LRBA: variants seen among roughly 807,000 people sequenced by gnomAD.
LRBA encodes lipopolysaccharide-responsive and beige-like anchor protein.
A neutral mutation model predicts 330.0 loss-of-function variants in LRBA; 176 were observed. The ratio of observed to expected loss-of-function variants is 0.53; its 90% CI spans 0.47 to 0.60. LRBA has a LOEUF of 0.60. LRBA is among the 20% of genes least tolerant of loss of function. The pLI is 0.00. For missense variants in LRBA, 3,259 were observed against 3,444.8 expected, an observed-to-expected ratio of 0.95 and a Z score of 1.35; for synonymous variants, 1,230 against 1,193.0, an observed-to-expected ratio of 1.03 and a Z score of -0.64.
chr4:150,896,419 A>G lies in LRBA; in HGVS notation c.2042T>C (p.Leu681Pro). ...CTCATGCATAGTCAGTAGGTAATTA[A>G]GAATGGCCTGTAATTCATCTTCCTT... ...GVKEDELQAI[L>P]NYLLTMHEDD... The change falls in exon 16 of 57, where the codon CTT becomes CCT. Residue 681 changes from leucine (L) to proline (P), a missense_variant. Physicochemically the swap from Leu to Pro is moderately conservative, Grantham distance 98. Transcript: ENST00000651943. 6.4e-7 allele frequency: 1 copy of G among 1,550,406 alleles called. No individual in the cohort carries two copies.
At chr4:150,737,475 G>A (rs567672112) in intron 35 of LRBA, among the ~76,000 whole-genome samples, 2 of 147,746 alleles carry the variant, frequency 1.4e-5, no homozygotes, top group South Asian at 2.2e-4. Flanking sequence ...ATGAACAAAC[G>A]AATGAACGAA....
intron 47 of LRBA, among the ~76,000 whole-genome samples, chr4:150,352,118 T>C (rs542118812): frequency 1.7e-4 from 26 of 152,330 alleles, no homozygotes; most frequent in African/African-American, 6.0e-4. Context: ...TTGATTTTTA[T>C]TTTTAGAGTA....
At chr4:150,469,844 C>T (rs1755870505) in intron 43 of LRBA, among the ~76,000 whole-genome samples, 1 of 152,148 alleles carries the variant, frequency 6.6e-6, no homozygotes, top group Non-Finnish European at 1.5e-5. Context: ...TACATCATTT[C>T]TCCTCTCTGC....
At chr4:150,427,967 G>A (rs1423269807) in intron 46 of LRBA, among the ~76,000 whole-genome samples, 1 of 151,808 alleles carries the variant, frequency 6.6e-6, no homozygotes, top group Non-Finnish European at 1.5e-5. Flanking sequence ...GCAGACCTCT[G>A]GGATTTCTGA....
chr4:150,606,482 G>A (rs1426396532), intron 37 of LRBA, among the ~76,000 whole-genome samples: 1 of 151,760 alleles, frequency 6.6e-6, no homozygotes, highest in African/African-American at 2.4e-5. Flanking sequence ...GAATGATGCT[G>A]GGCTCAACCT....
chr4:150,986,642 C>A (rs986457278), intron 2 of LRBA, among the ~76,000 whole-genome samples: 1 of 152,152 alleles, frequency 6.6e-6, no homozygotes, highest in African/African-American at 2.4e-5. Flanking sequence ...TCAAAGCCAT[C>A]ATGCTAATTT....
intron 2 of LRBA, among the ~76,000 whole-genome samples, chr4:150,984,023 A>G (rs1029479519): frequency 2.6e-5 from 4 of 152,148 alleles, no homozygotes; most frequent in African/African-American, 9.7e-5. Flanking sequence ...CACAAGCCCA[A>G]TTTCCTCTAC....
intron 38 of LRBA, 24 bp from the exon 39 acceptor site, chr4:150,590,883 T>C (rs765226950): frequency 1.2e-6 from 2 of 1,612,058 alleles, no homozygotes; most frequent in Non-Finnish European, 1.7e-6. Context: ...GAAACAAAGC[T>C]GTCCATCAGT....
chr4:150,635,214 CT>C (rs1403503762), intron 37 of LRBA, among the ~76,000 whole-genome samples: 1 of 152,130 alleles, frequency 6.6e-6, no homozygotes, highest in African/African-American at 2.4e-5. Context: ...GGCTGTTTTT[CT>C]TACAAACCAG....
chr4:150,861,996 G>A (rs1331826452), intron 22 of LRBA, among the ~76,000 whole-genome samples: 1 of 148,968 alleles, frequency 6.7e-6, no homozygotes, highest in East Asian at 2.0e-4. Context: ...AAAAAAAAAA[G>A]TTAGAATGGT....
intron 2 of LRBA, among the ~76,000 whole-genome samples, chr4:150,964,173 G>GC (rs1182257798): frequency 9.5e-5 from 14 of 147,564 alleles, no homozygotes; most frequent in Admixed American, 9.3e-4. Context: ...GAGGTGGGGG[G>GC]CCCCTCTGCC....
chr4:150,841,604 T>G (rs1749081745), intron 28 of LRBA, among the ~76,000 whole-genome samples: 1 of 152,132 alleles, frequency 6.6e-6, no homozygotes, highest in South Asian at 2.1e-4. Flanking sequence ...TTTATTTATG[T>G]CGTCGATCTT....
chr4:150,773,658 G>A (rs1019366979), intron 34 of LRBA, among the ~76,000 whole-genome samples: 4 of 152,230 alleles, frequency 2.6e-5, no homozygotes, highest in African/African-American at 9.6e-5. Flanking sequence ...GGTAGAGGCA[G>A]TTCAGTGGCT....
At chr4:150,993,714 C>A (rs775700175) in intron 2 of LRBA, among the ~76,000 whole-genome samples, 2 of 152,106 alleles carry the variant, frequency 1.3e-5, no homozygotes, top group Non-Finnish European at 2.9e-5. Context: ...AAAGCAGAAA[C>A]CCCTGATAAA....
At chr4:150,911,229 A>G (rs953550127) in intron 9 of LRBA, among the ~76,000 whole-genome samples, 1 of 152,202 alleles carries the variant, frequency 6.6e-6, no homozygotes, top group South Asian at 2.1e-4. Context: ...TGTTGAATAG[A>G]AATGGAAAGA....
At chr4:150,526,277 C>A (rs973790211) in intron 40 of LRBA, among the ~76,000 whole-genome samples, 1 of 152,148 alleles carries the variant, frequency 6.6e-6, no homozygotes, top group Admixed American at 6.5e-5. Context: ...TCTGGTTAAC[C>A]ATGGGAGAGT....
At chr4:150,283,872 G>T (rs571029968) in intron 54 of LRBA, among the ~76,000 whole-genome samples, 1 of 152,084 alleles carries the variant, frequency 6.6e-6, no homozygotes, top group African/African-American at 2.4e-5. Context: ...AAAATATGTC[G>T]ATGACTGCTC....
intron 47 of LRBA, among the ~76,000 whole-genome samples, chr4:150,407,959 T>C (rs889860926): frequency 2.0e-5 from 3 of 151,666 alleles, no homozygotes; most frequent in African/African-American, 7.3e-5. Flanking sequence ...AGAGAAGAAC[T>C]CAAATAAAAA....
At chr4:150,794,863 A>C (rs952764718) in intron 34 of LRBA, among the ~76,000 whole-genome samples, 2 of 152,154 alleles carry the variant, frequency 1.3e-5, no homozygotes, top group African/African-American at 4.8e-5. Flanking sequence ...AGGCTCAGAC[A>C]ATAATATGTG....
Sources: gnomAD v4.1 joint callset for allele counts (sites outside exome capture counted in the v4.1 genomes callset) on GRCh38, gnomAD v4.1.1 for gene constraint, MANE v1.5 for transcripts, NCBI Gene and HGNC (gene_info 2026-07-23, HGNC 2026-07-21) for gene names.